LRRIQ4: variants seen among roughly 807,000 people sequenced by gnomAD.
LRRIQ4 encodes leucine rich repeats and IQ motif containing 4.
LRRIQ4 carries 21 observed loss-of-function variants against 40.1 expected under a neutral mutation model. The observed-to-expected ratio is 0.52, with a 90% CI of 0.37 to 0.75. The LOEUF (loss-of-function observed/expected upper bound fraction) is 0.75, where lower values mean the gene tolerates loss of function less well. Ranked by LOEUF, LRRIQ4 falls within the 30% of genes least tolerant of loss-of-function variation. The probability of loss-of-function intolerance (pLI) is 0.00; values close to 1 mark genes in which losing one functional copy is unlikely to be tolerated. For synonymous variants in LRRIQ4, 277 were observed against 277.1 expected (o/e 1.00, Z 0.00); for missense variants, 655 against 660.0 (o/e 0.99, Z 0.08).
At chr3:169,820,413 A>G (rs138140136) in intron 1 of LRRIQ4, among the ~76,000 whole-genome samples, 1 of 151,748 alleles carries the variant, frequency 6.6e-6, no homozygotes, top group South Asian at 2.1e-4. Flanking sequence ...GCTCCTTTGC[A>G]TTTTCATATA....
intron 2 of LRRIQ4, among the ~76,000 whole-genome samples, chr3:169,824,105 T>C (rs1337783509): frequency 6.6e-6 from 1 of 152,108 alleles, no homozygotes; most frequent in Admixed American, 6.5e-5. Context: ...TACACACATA[T>C]ACACACAACA....
intron 2 of LRRIQ4, among the ~76,000 whole-genome samples, chr3:169,823,374 G>A (rs563854301): frequency 6.7e-6 from 1 of 150,240 alleles, no homozygotes; most frequent in Non-Finnish European, 1.5e-5. Flanking sequence ...CCGAGACGGA[G>A]TCTAGCTCTA....
At chr3:169,823,279 A>G (rs1029197203) in intron 2 of LRRIQ4, among the ~76,000 whole-genome samples, 5 of 151,954 alleles carry the variant, frequency 3.3e-5, no homozygotes, top group African/African-American at 7.3e-5. Flanking sequence ...AAGGTTACAC[A>G]GCCTGTAAGT....
chr3:169,833,195 C>T lies in LRRIQ4; in HGVS notation c.1530+12C>T. The T allele has an allele frequency of 6.2e-7, 1 of 1,605,602 alleles. No homozygotes were observed. The highest frequency in any genetic ancestry group is 8.5e-7 in the Non-Finnish European group (1 of 1,175,398). ...TAATGGCAACAAAGGTAAAATCAGC[C>T]CAGATTCTTGATAACAGTTGCTTTA... On this transcript the variant is annotated intron_variant, in intron 5 of 5. Coordinates refer to ENST00000340806, the MANE Select transcript of LRRIQ4 (RefSeq NM_001080460.3).
At chr3:169,826,445 C>A (rs528109842) in intron 2 of LRRIQ4, among the ~76,000 whole-genome samples, 2 of 151,902 alleles carry the variant, frequency 1.3e-5, no homozygotes, top group South Asian at 4.2e-4. Flanking sequence ...TGTACCAGAT[C>A]CCAAAATGGC....
rs374354465 is a variant in LRRIQ4, at chr3:169,833,053, T to A, written c.1400T>A (p.Val467Glu). 6 of 1,613,858 alleles carry A rather than the reference T, an allele frequency of 3.7e-6. No individual in the cohort carries two copies. Among genetic ancestry groups the A allele is most frequent in the South Asian group, 1.1e-5 (1 of 91,080 alleles). Residue 467 changes from valine (V) to glutamate (E), a missense_variant, in exon 5 of 6, where the codon GTG becomes GAG. Transcript: ENST00000340806. The part of the protein sequence containing the change: ...THLPENLDSL[V>E]NLKVLTLMDN... ...CTTCCAGAGAATTTGGATTCCCTAG[T>A]GAATCTTAAGGTTCTGACACTGATG... is the stretch of plus-strand genomic sequence containing the variant.
intron 4 of LRRIQ4, among the ~76,000 whole-genome samples, chr3:169,831,762 A>G (rs1780184665): frequency 6.6e-6 from 1 of 151,068 alleles, no homozygotes; most frequent in Non-Finnish European, 1.5e-5. Context: ...TGAGGTTAGG[A>G]GTTCAAACCA....
At chr3:169,831,222 A>C (rs967065145) in intron 4 of LRRIQ4, among the ~76,000 whole-genome samples, 4 of 138,806 alleles carry the variant, frequency 2.9e-5, no homozygotes, top group African/African-American at 1.1e-4. Flanking sequence ...TTTTTTCTGA[A>C]TCCTAGGCTT....
At chr3:169,826,973 A>G (rs902259322) in intron 2 of LRRIQ4, among the ~76,000 whole-genome samples, 1 of 152,234 alleles carries the variant, frequency 6.6e-6, no homozygotes, top group African/African-American at 2.4e-5. Flanking sequence ...ACTTTTACAG[A>G]TAGGTTGTCC....
intron 2 of LRRIQ4, 45 bp downstream of exon 2, chr3:169,822,986 C>T (rs1779950091): frequency 1.4e-6 from 2 of 1,448,634 alleles, no homozygotes; most frequent in South Asian, 1.5e-5. Flanking sequence ...CATCCAGGGT[C>T]CTTCCTGCCC....
intron 2 of LRRIQ4, among the ~76,000 whole-genome samples, chr3:169,824,966 A>G (rs983155904): frequency 2.6e-5 from 4 of 151,990 alleles, no homozygotes; most frequent in African/African-American, 9.7e-5. Context: ...GTTCCCTATA[A>G]ATTATAAAAG....
intron 2 of LRRIQ4, among the ~76,000 whole-genome samples, chr3:169,824,258 T>G (rs1352724576): frequency 1.3e-5 from 2 of 152,024 alleles, no homozygotes; most frequent in Non-Finnish European, 2.9e-5. Flanking sequence ...GGCTCACTCC[T>G]CTAATCCCAG....
At chr3:169,826,737 A>G (rs769023207) in intron 2 of LRRIQ4, among the ~76,000 whole-genome samples, 1 of 152,254 alleles carries the variant, frequency 6.6e-6, no homozygotes, top group Non-Finnish European at 1.5e-5. Context: ...ACTGCACAGA[A>G]TGCAGGCATT....
intron 4 of LRRIQ4, among the ~76,000 whole-genome samples, chr3:169,832,631 CAAAAAAAA>C (rs3047516): frequency 4.5e-5 from 3 of 67,368 alleles, no homozygotes; most frequent in African/African-American, 1.8e-4. Flanking sequence ...GACTCTGTCT[CAAAAAAAA>C]AAAAAAAAAA....
At chr3:169,827,629 A>AAG (rs1780071048) in intron 2 of LRRIQ4, among the ~76,000 whole-genome samples, 1 of 141,972 alleles carries the variant, frequency 7.0e-6, no homozygotes, top group African/African-American at 2.7e-5. Flanking sequence ...AAAAAAAAAA[A>AAG]AGAGATTTTT....
chr3:169,819,535 C>T (rs1779831730), intron 1 of LRRIQ4, among the ~76,000 whole-genome samples: 1 of 152,104 alleles, frequency 6.6e-6, no homozygotes, highest in African/African-American at 2.4e-5. Context: ...ATTTCACACC[C>T]GAGAAGAATG....
intron 1 of LRRIQ4, among the ~76,000 whole-genome samples, chr3:169,815,842 C>G (rs1359213733): frequency 1.2e-4 from 19 of 152,176 alleles, no homozygotes; most frequent in Admixed American, 1.2e-3. Flanking sequence ...GGGCTTTTAT[C>G]ATGAAGTGAT....
intron 1 of LRRIQ4, among the ~76,000 whole-genome samples, chr3:169,816,197 T>C (rs181440545): frequency 2.6e-4 from 40 of 152,330 alleles, no homozygotes; most frequent in African/African-American, 9.4e-4. Context: ...AAGTAGTTTT[T>C]CCTCCTCTAT....
intron 1 of LRRIQ4, among the ~76,000 whole-genome samples, chr3:169,821,410 G>T (rs1013198134): frequency 2.6e-5 from 4 of 152,114 alleles, no homozygotes; most frequent in Admixed American, 2.6e-4. Context: ...CAAGGCGGGT[G>T]GACCTGAGGT....
Sources: allele counts gnomAD v4.1 joint callset (sites outside exome capture counted in the v4.1 genomes callset), GRCh38; gene constraint gnomAD v4.1.1; transcripts MANE v1.5; gene names NCBI Gene and HGNC (gene_info 2026-07-23, HGNC 2026-07-21).